Variants in STK32A observed in about 807,000 individuals in gnomAD.
STK32A encodes serine/threonine-protein kinase 32A.
STK32A carries 41 observed loss-of-function variants against 53.2 expected under a neutral mutation model. That is an observed-to-expected ratio of 0.77 (90% CI 0.60 to 1.00). STK32A has a LOEUF of 1.00. STK32A is among the 50% of genes least tolerant of loss of function. The pLI, the probability that STK32A is intolerant of heterozygous loss-of-function variation, is 0.00. For synonymous variants in STK32A, 166 were observed against 162.8 expected (o/e 1.02, Z -0.15); for missense variants, 458 against 485.8 (o/e 0.94, Z 0.54).
chr5:147,370,575 T>G, intron 8 of STK32A, 79 bp from the exon 9 acceptor site: 2 of 864,374 alleles, frequency 2.3e-6, no homozygotes, highest in Non-Finnish European at 3.7e-6. Flanking sequence ...GGTTGAAAGT[T>G]TAGCTTGGAA....
intron 5 of STK32A, among the ~76,000 whole-genome samples, chr5:147,340,589 T>C (rs1379989653): frequency 2.0e-5 from 3 of 152,226 alleles, no homozygotes; most frequent in African/African-American, 7.2e-5. Flanking sequence ...CAACCTTCCA[T>C]ACTGCAATTT....
At chr5:147,280,733 A>T (rs1354627396) in intron 4 of STK32A, among the ~76,000 whole-genome samples, 1 of 151,996 alleles carries the variant, frequency 6.6e-6, no homozygotes, top group African/African-American at 2.4e-5. Context: ...AAGGGCATAT[A>T]ATCTTGGGAG....
chr5:147,340,421 TG>T (rs1240233780), intron 5 of STK32A, among the ~76,000 whole-genome samples: 1 of 152,208 alleles, frequency 6.6e-6, no homozygotes, highest in Non-Finnish European at 1.5e-5. Context: ...AGAAACATTT[TG>T]TAAGTTATTT....
intron 4 of STK32A, among the ~76,000 whole-genome samples, chr5:147,279,808 T>G (rs1336749534): frequency 6.6e-6 from 1 of 152,162 alleles, no homozygotes; most frequent in Non-Finnish European, 1.5e-5. Context: ...TGATTTAGTA[T>G]GTTAATGAGT....
chr5:147,320,216 C>T (rs945605588), intron 4 of STK32A, among the ~76,000 whole-genome samples: 2 of 152,166 alleles, frequency 1.3e-5, no homozygotes, highest in African/African-American at 4.8e-5. Context: ...GAGTCTCTTC[C>T]CAACCCTCAG....
At chr5:147,341,774 C>T (rs747193502) in intron 5 of STK32A, among the ~76,000 whole-genome samples, 2 of 152,106 alleles carry the variant, frequency 1.3e-5, no homozygotes, top group Non-Finnish European at 2.9e-5. Context: ...TAGTTAGTAA[C>T]ATTGTATTAT....
At chr5:147,336,653 A>T (rs575990233) in intron 5 of STK32A, among the ~76,000 whole-genome samples, 1 of 152,186 alleles carries the variant, frequency 6.6e-6, no homozygotes, top group Admixed American at 6.5e-5. Flanking sequence ...GTACAATCTT[A>T]GGAGGATGAT....
intron 2 of STK32A, 122 bp from the exon 3 acceptor site, chr5:147,278,002 T>A (rs778551422): frequency 2.1e-4 from 165 of 797,402 alleles, no homozygotes; most frequent in Non-Finnish European, 3.2e-4. Flanking sequence ...GATTGGCATT[T>A]TAAGGTAGTC....
At position 147,238,202 on chromosome 5, in the gene STK32A, T is replaced by C. The variant is rs895055828; in HGVS notation, c.-96-1337T>C. Among the ~76,000 whole-genome samples, 5 of 152,388 alleles carry C rather than the reference T, an allele frequency of 3.3e-5. No homozygotes were observed. In the South Asian group the frequency reaches 1.0e-3, roughly 32 times the overall value. On this transcript the variant is annotated intron_variant, in intron 1 of 12. Coordinates refer to ENST00000397936, the MANE Select transcript of STK32A (RefSeq NM_001112724.2). Reference sequence around the variant, plus strand: ...CTTTACCCCATTTGGGGGATAGATCTGAAGATCTGGGCTCATGTTTCCATG... The same window carrying C: ...CTTTACCCCATTTGGGGGATAGATCCGAAGATCTGGGCTCATGTTTCCATG...
At chr5:147,401,317 A>T in the STK32A span, among the ~76,000 whole-genome samples, 1 of 152,198 alleles carries the variant, frequency 6.6e-6, no homozygotes, top group African/African-American at 2.4e-5. Flanking sequence ...AATAGGTTTT[A>T]ACTACTATTA....
intron 4 of STK32A, among the ~76,000 whole-genome samples, chr5:147,305,192 G>T (rs1272377253): frequency 2.6e-5 from 4 of 152,142 alleles, no homozygotes; most frequent in Non-Finnish European, 5.9e-5. Flanking sequence ...GATTAGGCTT[G>T]CAGACACATA....
At chr5:147,313,005 C>A in intron 4 of STK32A, among the ~76,000 whole-genome samples, 1 of 143,488 alleles carries the variant, frequency 7.0e-6, no homozygotes, top group Non-Finnish European at 1.5e-5. Context: ...TTTTGGGAGG[C>A]TAAGGTAGGA....
At chr5:147,374,506 A>C (rs779895241) in intron 10 of STK32A, among the ~76,000 whole-genome samples, 2 of 152,116 alleles carry the variant, frequency 1.3e-5, no homozygotes, top group Non-Finnish European at 2.9e-5. Flanking sequence ...TGTGGGGTCC[A>C]TTAGGGGCAA....
intron 2 of STK32A, among the ~76,000 whole-genome samples, chr5:147,241,499 C>CAAAA (rs1246603512): frequency 8.6e-5 from 13 of 151,910 alleles, no homozygotes; most frequent in African/African-American, 3.1e-4. Context: ...AACAAACAAA[C>CAAAA]AAACAAAAAA....
At chr5:147,293,478 G>GT (rs1364393320) in intron 4 of STK32A, among the ~76,000 whole-genome samples, 6 of 41,418 alleles carry the variant, frequency 1.4e-4, no homozygotes, top group Admixed American at 3.7e-4. Context: ...TTATTTCGAG[G>GT]TAAAAAAAAA....
At chr5:147,356,578 C>T (rs1259676448) in intron 7 of STK32A, among the ~76,000 whole-genome samples, 1 of 152,028 alleles carries the variant, frequency 6.6e-6, no homozygotes, top group Non-Finnish European at 1.5e-5. Flanking sequence ...ATAAACATGC[C>T]TCTGCTAAAA....
At chr5:147,381,698 A>G (rs1343167095) in intron 11 of STK32A, among the ~76,000 whole-genome samples, 1 of 151,146 alleles carries the variant, frequency 6.6e-6, no homozygotes. Flanking sequence ...GTCTTTTTGA[A>G]TTCATCTTAC....
At chr5:147,393,837 A>G in the STK32A span, 1 of 603,006 alleles carries the variant, frequency 1.7e-6, no homozygotes, top group Non-Finnish European at 2.9e-6. Context: ...AATCAAGGCT[A>G]TGCATAAACA....
chr5:147,345,846 G>C (rs976840088), intron 6 of STK32A, among the ~76,000 whole-genome samples: 1 of 152,072 alleles, frequency 6.6e-6, no homozygotes, highest in East Asian at 1.9e-4. Context: ...AATTTGGTCA[G>C]TGAATTAAGA....
Sources: gnomAD v4.1 joint callset for allele counts (sites outside exome capture counted in the v4.1 genomes callset) on GRCh38, gnomAD v4.1.1 for gene constraint, MANE v1.5 for transcripts, NCBI Gene and HGNC (gene_info 2026-07-23, HGNC 2026-07-21) for gene names.